SETD5: variants seen among roughly 807,000 people sequenced by gnomAD.
The protein encoded by SETD5 is SET domain containing 5, also known as histone-lysine N-methyltransferase SETD5.
A neutral mutation model predicts 153.3 loss-of-function variants in SETD5; 44 were observed. The ratio of observed to expected loss-of-function variants is 0.29; its 90% CI spans 0.23 to 0.37. The LOEUF is 0.37. SETD5 is among the 10% of genes least tolerant of loss of function. The probability of loss-of-function intolerance (pLI) is 1.00; values close to 1 mark genes in which losing one functional copy is unlikely to be tolerated. For synonymous variants in SETD5, 716 were observed against 645.2 expected (o/e 1.11, Z -1.66); for missense variants, 1,544 against 1,768.0 (o/e 0.87, Z 2.27).
intron 16 of SETD5, among the ~76,000 whole-genome samples, chr3:9,452,567 C>T (rs924590002): frequency 1.4e-5 from 2 of 147,750 alleles, no homozygotes; most frequent in African/African-American, 5.1e-5. Flanking sequence ...TTTTTTATAT[C>T]CTTGTTCACT....
At chr3:9,413,432 C>T (rs1259779939) in intron 1 of SETD5, among the ~76,000 whole-genome samples, 1 of 152,088 alleles carries the variant, frequency 6.6e-6, no homozygotes, top group Non-Finnish European at 1.5e-5. Flanking sequence ...AAGGAGACTT[C>T]CACCTCTACT....
intron 1 of SETD5, among the ~76,000 whole-genome samples, chr3:9,409,308 G>C (rs2036199548): frequency 6.6e-6 from 1 of 152,192 alleles, no homozygotes; most frequent in Non-Finnish European, 1.5e-5. Context: ...CAGAAGGTAA[G>C]ATAAGCACTT....
rs1391396344 is a variant in SETD5 at position 9,445,710 on chromosome 3, T to C, written c.1494T>C (p.Asp498=). 1 of 1,613,258 alleles carries C rather than the reference T, an allele frequency of 6.2e-7. No homozygotes were observed. The highest frequency in any genetic ancestry group is 8.5e-7 in the Non-Finnish European group (1 of 1,179,556). The change falls in exon 13 of 23, where the codon GAT becomes GAC. Residue 498 remains aspartate, a synonymous_variant. Coordinates refer to ENST00000402198, the MANE Select transcript of SETD5 (RefSeq NM_001080517.3). ...AAGAAGAGAAAGAAGAGGTTATAGATGACCAGGAGAACCTAGCTCATAGCA... is the reference window on the plus strand; with the variant it reads ...AAGAAGAGAAAGAAGAGGTTATAGACGACCAGGAGAACCTAGCTCATAGCA... ...KPEEEKEEVI[D]DQENLAHSRR...
intron 15 of SETD5, 143 bp from the exon 16 acceptor site, chr3:9,448,245 A>T: frequency 7.6e-7 from 1 of 1,314,530 alleles, no homozygotes; most frequent in Non-Finnish European, 1.0e-6. Context: ...GTGAAGGAAG[A>T]TATCCTTGTG....
intron 17 of SETD5, among the ~76,000 whole-genome samples, chr3:9,458,312 A>G (rs1408414658): frequency 2.0e-5 from 3 of 152,134 alleles, no homozygotes; most frequent in Admixed American, 6.6e-5. Context: ...TCAAATATAT[A>G]TATTTTTTTA....
At chr3:9,450,888 CATT>C (rs2042548761) in intron 16 of SETD5, among the ~76,000 whole-genome samples, 1 of 152,148 alleles carries the variant, frequency 6.6e-6, no homozygotes. Context: ...TTATTTTTAT[CATT>C]ATTATTCTGC....
intron 17 of SETD5, among the ~76,000 whole-genome samples, chr3:9,458,158 C>T (rs2043490338): frequency 2.0e-5 from 3 of 152,182 alleles, no homozygotes; most frequent in South Asian, 2.1e-4. Context: ...CACGGTGGCA[C>T]GTGCCTGTAA....
chr3:9,428,881 G>A lies in SETD5; in HGVS notation c.-58G>A. ...TCTGCAGCTCACCCCCACTCTCAGA[G>A]TGGTCAGTCTCCATTAATTGGACCC... On this transcript the variant is annotated 5_prime_UTR_variant, in exon 3 of 23. It adds an upstream start codon to the 5' untranslated region. Coordinates refer to ENST00000402198, the MANE Select transcript of SETD5 (RefSeq NM_001080517.3). The A allele has an allele frequency of 7.6e-7, 1 of 1,313,578 alleles. No homozygotes were observed. Among genetic ancestry groups the A allele is most frequent in the Non-Finnish European group, 1.1e-6 (1 of 922,210 alleles). 81.4% of individuals were successfully genotyped at this position (1,313,578 alleles called of 1,614,324 possible).
Position 9,476,223 on chromosome 3 carries a change from C to T in SETD5, c.*132C>T. 8.0e-7 allele frequency: 1 copy of T among 1,247,798 alleles called. No individual in the cohort carries two copies. Among genetic ancestry groups the T allele is most frequent in the Non-Finnish European group, 1.1e-6 (1 of 924,018 alleles). 77.3% of individuals were successfully genotyped at this position (1,247,798 alleles called of 1,614,324 possible). On this transcript the variant is annotated 3_prime_UTR_variant, in exon 23 of 23. Coordinates refer to ENST00000402198, the MANE Select transcript of SETD5 (RefSeq NM_001080517.3). ...GTGCCAGAGGATTGGGTCTGGTGGA[C>T]AAGAAACAAGACTTGTGGTCACAAT...
At chr3:9,427,798 C>T (rs916829955) in intron 2 of SETD5, among the ~76,000 whole-genome samples, 1 of 152,148 alleles carries the variant, frequency 6.6e-6, no homozygotes, top group African/African-American at 2.4e-5. Flanking sequence ...ATGTTTTTTA[C>T]ACTACTGTAA....
Position 9,475,624 on chromosome 3 carries a change from G to T in SETD5, c.3862G>T (p.Gly1288Cys). The change falls in exon 23 of 23, where the codon GGT (glycine) becomes TGT (cysteine). Residue 1288 changes from glycine to cysteine, a missense_variant. Physicochemically the swap from Gly to Cys is radical, Grantham distance 159. Around this residue, in one of 9 missense-constraint regions of SETD5, gnomAD observed 302 missense variants for 277.6 expected, o/e 1.09. Transcript: ENST00000402198. ...GAGACCTGGAAACCCCCCCTCTCAC[G>T]GTTCTTCAGAATCATCCCTCTCTTC... ...ALRPGNPPSH[G>C]SSESSLSSTS... The T allele has an allele frequency of 6.2e-7, 1 of 1,613,820 alleles. No individual in the cohort carries two copies. The highest frequency in any genetic ancestry group is 1.3e-5 in the African/African-American group (1 of 74,968).
chr3:9,418,909 C>A (rs541488146), intron 1 of SETD5, among the ~76,000 whole-genome samples: 1 of 152,214 alleles, frequency 6.6e-6, no homozygotes, highest in African/African-American at 2.4e-5. Flanking sequence ...TCACTGCAAC[C>A]TCCACCTCCT....
At chr3:9,460,682 A>C (rs945222385) in intron 17 of SETD5, among the ~76,000 whole-genome samples, 10 of 152,170 alleles carry the variant, frequency 6.6e-5, no homozygotes, top group Admixed American at 5.9e-4. Context: ...TTTCAAATTA[A>C]TAGGGAAATT....
chr3:9,413,925 G>A (rs533066396), intron 1 of SETD5, among the ~76,000 whole-genome samples: 25 of 151,984 alleles, frequency 1.6e-4, no homozygotes, highest in African/African-American at 5.6e-4. Context: ...CTGCAGGCGC[G>A]CGCCACCACG....
chr3:9,448,499 T>C lies in SETD5; in HGVS notation c.2215T>C (p.Leu739=). Residue 739 remains leucine (L), a synonymous_variant, in exon 16 of 23, where the codon TTA becomes CTA. Coordinates refer to ENST00000402198, the MANE Select transcript of SETD5 (RefSeq NM_001080517.3). Reference sequence around the variant, plus strand: ...TGTACTGGCAACGACCCTAAACATGTTACCAGGTCTTATCCATTCCCCGTT... The same window carrying C: ...TGTACTGGCAACGACCCTAAACATGCTACCAGGTCTTATCCATTCCCCGTT... ...PTVLATTLNM[L]PGLIHSPLIC... 6.2e-7 allele frequency: 1 copy of C among 1,614,022 alleles called. No individual in the cohort carries two copies. The highest frequency in any genetic ancestry group is 8.5e-7 in the Non-Finnish European group (1 of 1,179,904).
chr3:9,400,810 G>T (rs1559336292), intron 1 of SETD5, among the ~76,000 whole-genome samples: 1 of 152,148 alleles, frequency 6.6e-6, no homozygotes, highest in East Asian at 1.9e-4. Context: ...TGGCCTCTGA[G>T]CCCCTTAGGT....
intron 17 of SETD5, among the ~76,000 whole-genome samples, chr3:9,462,543 T>C (rs2044089048): frequency 7.0e-6 from 1 of 143,354 alleles, no homozygotes; most frequent in African/African-American, 2.6e-5. Flanking sequence ...GCCGAGATCG[T>C]GCCGCTGCAC....
chr3:9,458,254 C>G (rs2043504029), intron 17 of SETD5, among the ~76,000 whole-genome samples: 1 of 152,274 alleles, frequency 6.6e-6, no homozygotes, highest in Admixed American at 6.5e-5. Context: ...AAGACCTTGT[C>G]TTCAAAAGAA....
chr3:9,424,993 T>C (rs971107717), intron 2 of SETD5, among the ~76,000 whole-genome samples: 1 of 150,280 alleles, frequency 6.7e-6, no homozygotes, highest in East Asian at 1.9e-4. Context: ...CATGTTAAAC[T>C]AGACACAAGG....
Sources: allele counts gnomAD v4.1 joint callset (sites outside exome capture counted in the v4.1 genomes callset), GRCh38; gene constraint gnomAD v4.1.1; regional missense constraint gnomAD v4.1.1; transcripts MANE v1.5; gene names NCBI Gene and HGNC (gene_info 2026-07-23, HGNC 2026-07-21).